CYLC1: variants seen among roughly 807,000 people sequenced by gnomAD.
CYLC1 encodes cylicin 1, also known as cylicin-1.
A neutral mutation model predicts 31.6 loss-of-function variants in CYLC1; 2 were observed. The observed-to-expected ratio is 0.06, with a 90% CI of 0.03 to 0.20. The LOEUF is 0.20. CYLC1 is among the 10% of genes least tolerant of loss of function. CYLC1 has a pLI of 1.00. For synonymous variants in CYLC1, 185 were observed against 153.0 expected (o/e 1.21, Z -1.54); for missense variants, 595 against 424.1 (o/e 1.40, Z -3.54).
intron 1 of CYLC1, among the ~76,000 whole-genome samples, chrX:83,869,059 A>G (rs1475645270): frequency 1.8e-5 from 2 of 110,702 alleles, no homozygotes; most frequent in African/African-American, 6.5e-5. Context: ...TTTTATCTTA[A>G]AAGTTTCTAC....
At chrX:83,866,762 C>T (rs1005890394) in intron 1 of CYLC1, among the ~76,000 whole-genome samples, 3 of 88,725 alleles carry the variant, frequency 3.4e-5, no homozygotes, top group African/African-American at 4.0e-5. Context: ...AAAATATTGT[C>T]CAGCCCCACT....
chrX:83,875,789 G>A (rs1393937075), intron 4 of CYLC1, among the ~76,000 whole-genome samples: 2 of 110,718 alleles, frequency 1.8e-5, no homozygotes, highest in Non-Finnish European at 3.8e-5. Flanking sequence ...TTTTGGTTGG[G>A]TGTAACTCAT....
At chrX:83,872,773 G>T (rs1407128091) in intron 3 of CYLC1, 113 bp from the exon 4 acceptor site, 4 of 604,822 alleles carry the variant, frequency 6.6e-6, no homozygotes, top group African/African-American at 5.0e-5. Context: ...CCTTGAAAGA[G>T]AAAAAAACTA....
intron 4 of CYLC1, among the ~76,000 whole-genome samples, chrX:83,882,264 A>G (rs2031921426): frequency 9.1e-6 from 1 of 110,157 alleles, no homozygotes; most frequent in African/African-American, 3.3e-5. Context: ...GGTTGTGTAC[A>G]TCATCCTCTC....
At chrX:83,878,853 C>CTT (rs1334995157) in intron 4 of CYLC1, among the ~76,000 whole-genome samples, 3 of 94,501 alleles carry the variant, frequency 3.2e-5, no homozygotes, top group East Asian at 3.3e-4. Context: ...TTTCTCCTTC[C>CTT]TTTTTTTTTT....
intron 4 of CYLC1, among the ~76,000 whole-genome samples, chrX:83,885,435 C>T (rs1260135181): frequency 9.2e-6 from 1 of 108,378 alleles, no homozygotes; most frequent in African/African-American, 3.3e-5. Context: ...CAGAGCAACC[C>T]CAAGAGATCA....
chrX:83,878,825 T>G (rs1032481958), intron 4 of CYLC1, among the ~76,000 whole-genome samples: 1 of 106,809 alleles, frequency 9.4e-6, no homozygotes, highest in African/African-American at 3.4e-5. Context: ...CAAACTTTGT[T>G]ATTGAATCTT....
intron 3 of CYLC1, 112 bp downstream of exon 3, chrX:83,871,682 TA>T: frequency 2.8e-6 from 2 of 715,653 alleles, no homozygotes; most frequent in Non-Finnish European, 2.0e-6. Context: ...AAGATATTTT[TA>T]AATTTGTAAT....
In CYLC1 at chrX:83,871,492, T is replaced by C. The variant is rs2031663349; in HGVS notation, c.99T>C (p.Phe33=). Residue 33 remains phenylalanine (F), a synonymous_variant, in exon 3 of 5, where the codon TTT becomes TTC. Transcript: ENST00000329312. Reference sequence around the variant, plus strand: ...GAAAATCATGGAATCAAAAACACTTTGCTTTGACATTTCCCAAACCACTCC... The same window carrying C: ...GAAAATCATGGAATCAAAAACACTTCGCTTTGACATTTCCCAAACCACTCC... The part of the protein sequence containing the change: ...SSRKSWNQKH[F]ALTFPKPLQR... The C allele has an allele frequency of 1.7e-6, 2 of 1,204,815 alleles. No individual in the cohort carries two copies. Among genetic ancestry groups the C allele is most frequent in the African/African-American group, 1.7e-5 (1 of 57,414 alleles).
chrX:83,864,873 T>C (rs978870537), intron 1 of CYLC1, among the ~76,000 whole-genome samples: 159 of 111,175 alleles, frequency 1.4e-3, no homozygotes, highest in African/African-American at 4.9e-3. Flanking sequence ...ATCTATTCCT[T>C]CTCAGCTTCT....
In CYLC1 at chrX:83,869,887, TATG is replaced by T. The variant is rs1277230165; in HGVS notation, c.43_45del (p.Asp15del). 1.2e-6 allele frequency: 1 copy of T among 832,804 alleles called. No homozygotes were observed. Among genetic ancestry groups the T allele is most frequent in the African/African-American group, 2.1e-5 (1 of 47,292 alleles). 68.6% of individuals were successfully genotyped at this position (832,804 alleles called of 1,213,427 possible). A position where few individuals can be genotyped will look rare whatever the true frequency, so the allele number is the denominator to read the frequency against. Reference sequence around the variant, plus strand: ...TAGGCTAAAAGTAAACATCAGAACATATGATAATTCCATTCCAAGTAAGAATTT... The same window carrying T: ...TAGGCTAAAAGTAAACATCAGAACATATAATTCCATTCCAAGTAAGAATTT... On this transcript the variant is annotated inframe_deletion, in exon 2 of 5. Transcript: ENST00000329312.
intron 1 of CYLC1, among the ~76,000 whole-genome samples, chrX:83,862,720 T>G (rs1198395544): frequency 4.5e-5 from 5 of 111,658 alleles, no homozygotes; most frequent in African/African-American, 1.6e-4. Flanking sequence ...ATGTCACCAT[T>G]AGGCATTATC....
intron 1 of CYLC1, among the ~76,000 whole-genome samples, chrX:83,867,518 C>A (rs1296227372): frequency 9.0e-6 from 1 of 111,459 alleles, no homozygotes; most frequent in African/African-American, 3.2e-5. Flanking sequence ...AAATCTATTT[C>A]ACTGGGCTAA....
chrX:83,872,113 T>C (rs922570285), intron 3 of CYLC1, among the ~76,000 whole-genome samples: 3 of 111,346 alleles, frequency 2.7e-5, no homozygotes, highest in African/African-American at 9.7e-5. Context: ...TTTTTAGTGA[T>C]CCAACTTTCA....
chrX:83,877,916 A>ATT (rs1186481805), intron 4 of CYLC1, among the ~76,000 whole-genome samples: 3,032 of 80,106 alleles, frequency 0.038, 427 homozygotes, highest in East Asian at 0.15. Context: ...ATAAATATAT[A>ATT]TATATATATA....
intron 2 of CYLC1, among the ~76,000 whole-genome samples, chrX:83,871,229 A>C (rs1390427890): frequency 9.0e-6 from 1 of 111,370 alleles, no homozygotes; most frequent in Non-Finnish European, 1.9e-5. Flanking sequence ...TAGAAAATAA[A>C]ATTACAAATT....
At chrX:83,877,779 T>C (rs1468732126) in intron 4 of CYLC1, among the ~76,000 whole-genome samples, 1 of 100,594 alleles carries the variant, frequency 9.9e-6, no homozygotes, top group Non-Finnish European at 2.0e-5. Context: ...TCACTGAATT[T>C]ATATTTATAT....
chrX:83,878,715 T>C (rs1335578530), intron 4 of CYLC1, among the ~76,000 whole-genome samples: 3 of 103,903 alleles, frequency 2.9e-5, no homozygotes, highest in Non-Finnish European at 1.9e-5. Context: ...AGTATTTTTT[T>C]AAGTGAGGGT....
At chrX:83,882,662 C>G (rs778570768) in intron 4 of CYLC1, among the ~76,000 whole-genome samples, 447 of 110,946 alleles carry the variant, frequency 4.0e-3, no homozygotes, top group Non-Finnish European at 6.4e-3. Context: ...ACATCCAACT[C>G]AAAGTTGTTT....
Sources: allele counts gnomAD v4.1 joint callset (sites outside exome capture counted in the v4.1 genomes callset), GRCh38; gene constraint gnomAD v4.1.1; transcripts MANE v1.5; gene names NCBI Gene and HGNC (gene_info 2026-07-23, HGNC 2026-07-21).